ARL8B: variants seen among roughly 807,000 people sequenced by gnomAD.
The protein encoded by ARL8B is ADP-ribosylation factor-like protein 8B.
Under a neutral mutation model 30.6 loss-of-function variants are expected in ARL8B, and 9 were observed. The observed-to-expected ratio is 0.29, with a 90% confidence interval of 0.18 to 0.51. The LOEUF (loss-of-function observed/expected upper bound fraction) is 0.51, where lower values mean the gene tolerates loss of function less well. Among genes scored for constraint, ARL8B ranks in the 20% least tolerant of loss-of-function variants. The pLI, the probability that ARL8B is intolerant of heterozygous loss-of-function variation, is 0.97. For synonymous variants in ARL8B, 74 were observed against 76.0 expected (o/e 0.97, Z 0.14); for missense variants, 130 against 227.2 (o/e 0.57, Z 2.75).
At chr3:5,143,389 T>C (rs1308565001) in intron 1 of ARL8B, among the ~76,000 whole-genome samples, 1 of 152,294 alleles carries the variant, frequency 6.6e-6, no homozygotes, top group African/African-American at 2.4e-5. Context: ...CAGACTCTTA[T>C]AAGTCTTGTT....
At chr3:5,123,534 T>C (rs1366004956) in intron 1 of ARL8B, among the ~76,000 whole-genome samples, 1 of 152,206 alleles carries the variant, frequency 6.6e-6, no homozygotes, top group Non-Finnish European at 1.5e-5. Flanking sequence ...CCAAGAGTTG[T>C]TGTGACTCAG....
chr3:5,147,835 A>C (rs1018757907), intron 1 of ARL8B, among the ~76,000 whole-genome samples: 3 of 149,772 alleles, frequency 2.0e-5, no homozygotes, highest in Admixed American at 6.7e-5. Flanking sequence ...TAATTTTCTC[A>C]TGTGATTTTT....
chr3:5,179,731 T>G lies in ARL8B; in HGVS notation c.*1018T>G, dbSNP rs1366280687. The G allele has an allele frequency of 6.6e-6, 1 of 152,538 alleles. No homozygotes were observed. Among genetic ancestry groups the G allele is most frequent in the African/African-American group, 2.4e-5 (1 of 41,464 alleles). 9.4% of individuals were successfully genotyped at this position (152,538 alleles called of 1,614,324 possible). On this transcript the variant is annotated 3_prime_UTR_variant, in exon 7 of 7. Transcript: ENST00000256496. Reference sequence around the variant, plus strand: ...AACAAATAAAAAATTTTTATTTTTCTCTCTTACTGATGTAAGCTTTGGCAC... The same window carrying G: ...AACAAATAAAAAATTTTTATTTTTCGCTCTTACTGATGTAAGCTTTGGCAC...
intron 1 of ARL8B, among the ~76,000 whole-genome samples, chr3:5,144,206 C>T (rs1575563947): frequency 6.6e-6 from 1 of 152,174 alleles, no homozygotes; most frequent in Admixed American, 6.5e-5. Flanking sequence ...TGACCACATT[C>T]CCAGCAGTGG....
chr3:5,152,845 A>ACGT (rs749687029), intron 1 of ARL8B, among the ~76,000 whole-genome samples: 15 of 152,314 alleles, frequency 9.8e-5, no homozygotes, highest in East Asian at 3.9e-4. Flanking sequence ...ATACATTTTG[A>ACGT]CAGTTTCTGT....
intron 6 of ARL8B, among the ~76,000 whole-genome samples, chr3:5,178,271 G>T (rs2054747366): frequency 6.6e-6 from 1 of 151,042 alleles, no homozygotes; most frequent in African/African-American, 2.4e-5. Context: ...CTGTGGGGTG[G>T]CCCCCAAGCC....
chr3:5,168,181 C>T (rs2054640378), intron 1 of ARL8B, among the ~76,000 whole-genome samples: 1 of 152,170 alleles, frequency 6.6e-6, no homozygotes, highest in African/African-American at 2.4e-5. Context: ...TCAAGCAATC[C>T]TCCCACCTCA....
At chr3:5,140,435 G>A (rs752051167) in intron 1 of ARL8B, among the ~76,000 whole-genome samples, 2 of 152,048 alleles carry the variant, frequency 1.3e-5, no homozygotes, top group African/African-American at 2.4e-5. Flanking sequence ...ATCTTGTGCC[G>A]TGATTGTGAG....
At chr3:5,139,117 A>T (rs2054351299) in intron 1 of ARL8B, among the ~76,000 whole-genome samples, 1 of 150,648 alleles carries the variant, frequency 6.6e-6, no homozygotes, top group African/African-American at 2.5e-5. Flanking sequence ...TTTACAGTAG[A>T]AGGGAACATG....
chr3:5,151,721 AC>A (rs555488645), intron 1 of ARL8B, among the ~76,000 whole-genome samples: 94 of 81,666 alleles, frequency 1.2e-3, no homozygotes, highest in Middle Eastern at 7.5e-3. Context: ...TTCTCCCCCC[AC>A]CCCCCCCCTT....
rs1478545149 is a variant in ARL8B at position 5,122,305 on chromosome 3, G to C, written c.-161G>C. 4.6e-6 allele frequency: 7 copies of C among 1,510,314 alleles called. No individual in the cohort carries two copies. Among genetic ancestry groups the C allele is most frequent in the Non-Finnish European group, 6.2e-6 (7 of 1,130,378 alleles). 93.6% of individuals were successfully genotyped at this position (1,510,314 alleles called of 1,614,324 possible). On this transcript the variant is annotated 5_prime_UTR_variant, in exon 1 of 7. Coordinates refer to ENST00000256496, the MANE Select transcript of ARL8B (RefSeq NM_018184.3). ...GTAGGGCGAGTCATATGATCCGCTCGGCTTCCTGGGTCTGGCTGCTGCCGC... is the reference window on the plus strand; with the variant it reads ...GTAGGGCGAGTCATATGATCCGCTCCGCTTCCTGGGTCTGGCTGCTGCCGC...
chr3:5,149,638 G>A (rs1033724446), intron 1 of ARL8B, among the ~76,000 whole-genome samples: 18 of 152,116 alleles, frequency 1.2e-4, no homozygotes, highest in African/African-American at 4.3e-4. Context: ...CCCCACTTAA[G>A]TTTCGATTTC....
intron 4 of ARL8B, 91 bp downstream of exon 4, chr3:5,172,831 C>A: frequency 1.2e-6 from 1 of 852,722 alleles, no homozygotes; most frequent in Non-Finnish European, 1.8e-6. Flanking sequence ...TGTTTGAAAT[C>A]AGTAACATGT....
rs372211403 is a variant in ARL8B, at chr3:5,124,915, G to A, written c.123+2327G>A. Among the ~76,000 whole-genome samples, 9 of 152,332 alleles carry A rather than the reference G, an allele frequency of 5.9e-5. No individual in the cohort carries two copies. The South Asian group carries it at 6.2e-4, about 11-fold the overall frequency. On this transcript the variant is annotated intron_variant, in intron 1 of 6. Coordinates refer to ENST00000256496, the MANE Select transcript of ARL8B (RefSeq NM_018184.3). The stretch of plus-strand genomic sequence containing the variant: ...CAACATGGAATTAATGTTTCATGTG[G>A]ATAGGTGTATTAATACAGCCAGTTG...
intron 1 of ARL8B, among the ~76,000 whole-genome samples, chr3:5,148,441 C>T (rs2054449094): frequency 1.3e-5 from 2 of 152,172 alleles, no homozygotes; most frequent in Admixed American, 1.3e-4. Context: ...TGGTTTGGCT[C>T]TCCTGTGGTC....
At chr3:5,165,257 A>G (rs945272435) in intron 1 of ARL8B, among the ~76,000 whole-genome samples, 1 of 152,236 alleles carries the variant, frequency 6.6e-6, no homozygotes, top group Non-Finnish European at 1.5e-5. Flanking sequence ...GCTAGCAAAA[A>G]AAAAATTGTT....
chr3:5,124,998 G>C (rs113436939), intron 1 of ARL8B, among the ~76,000 whole-genome samples: 3,608 of 152,270 alleles, frequency 0.024, 138 homozygotes, highest in African/African-American at 0.082. Flanking sequence ...GCAAATCTTT[G>C]AGAAACTTCT....
chr3:5,163,011 G>A (rs1227467828), intron 1 of ARL8B, among the ~76,000 whole-genome samples: 3 of 132,844 alleles, frequency 2.3e-5, no homozygotes, highest in South Asian at 2.3e-4. Context: ...TTTTTGAGAC[G>A]GAGTCTTGCT....
chr3:5,124,894 A>G (rs1407176062), intron 1 of ARL8B, among the ~76,000 whole-genome samples: 2 of 152,216 alleles, frequency 1.3e-5, no homozygotes, highest in Non-Finnish European at 2.9e-5. Context: ...CTTTGACAAC[A>G]TGGAATTAAT....
Sources: allele counts gnomAD v4.1 joint callset (sites outside exome capture counted in the v4.1 genomes callset), GRCh38; gene constraint gnomAD v4.1.1; transcripts MANE v1.5; gene names NCBI Gene and HGNC (gene_info 2026-07-23, HGNC 2026-07-21).